EIF4G2: variants seen among roughly 807,000 people sequenced by gnomAD.
EIF4G2 encodes the protein eukaryotic translation initiation factor 4 gamma 2, also known as DAP-5.
A neutral mutation model predicts 117.7 loss-of-function variants in EIF4G2; 8 were observed. The observed-to-expected ratio is 0.07, with a 90% CI of 0.04 to 0.12. EIF4G2 has a LOEUF of 0.12. Among genes scored for constraint, EIF4G2 ranks in the 10% least tolerant of loss-of-function variants. The pLI, the probability that EIF4G2 is intolerant of heterozygous loss-of-function variation, is 1.00. For synonymous variants in EIF4G2, 413 were observed against 367.8 expected, an observed-to-expected ratio of 1.12 and a Z score of -1.41; for missense variants, 812 against 1,086.2, an observed-to-expected ratio of 0.75 and a Z score of 3.55.
chr11:10,799,376 T>C lies in EIF4G2; in HGVS notation c.2373A>G (p.Thr791=). 1.2e-6 allele frequency: 2 copies of C among 1,612,896 alleles called. No individual in the cohort carries two copies. Among genetic ancestry groups the C allele is most frequent in the Non-Finnish European group, 1.7e-6 (2 of 1,180,032 alleles). ...CTTTGGAAGGAGCAGAGGATGAATC[T>C]GTTTCATCGCTGGGGGGGTTTACTT... Residue 791 remains threonine, a synonymous_variant, in exon 20 of 22, where the codon ACA becomes ACG. Coordinates refer to ENST00000339995, the MANE Select transcript of EIF4G2 (RefSeq NM_001418.4).
At chr11:10,802,477 C>G (rs1291559795) in intron 11 of EIF4G2, 42 bp from the exon 12 acceptor site, 1 of 1,498,430 alleles carries the variant, frequency 6.7e-7, no homozygotes, top group East Asian at 2.4e-5. Flanking sequence ...TCTCTGGACA[C>G]TATTTCACTT....
intron 1 of EIF4G2, chr11:10,807,847 C>A (rs1035797078): frequency 6.1e-6 from 6 of 988,946 alleles, no homozygotes; most frequent in African/African-American, 1.7e-5. Flanking sequence ...CGTGGAAAGA[C>A]GCGCGAGAGG....
intron 18 of EIF4G2, 160 bp downstream of exon 18, chr11:10,799,930 A>G (rs1400455861): frequency 8.6e-7 from 1 of 1,161,884 alleles, no homozygotes; most frequent in African/African-American, 1.6e-5. Context: ...GAAAGTAGTT[A>G]AATTATAAAT....
Position 10,804,123 on chromosome 11 carries a change from G to A in EIF4G2, c.550+14C>T. 1 of 1,614,002 alleles carries A rather than the reference G, an allele frequency of 6.2e-7. No individual in the cohort carries two copies. The highest frequency in any genetic ancestry group is 1.1e-5 in the South Asian group (1 of 91,068). ...AAATATACAGTAGTACTTATTATCA[G>A]CTATAAGTCTTACCATCAACATTTC... On this transcript the variant is annotated intron_variant, in intron 7 of 21. Coordinates refer to ENST00000339995, the MANE Select transcript of EIF4G2 (RefSeq NM_001418.4).
chr11:10,807,995 G>C, intron 1 of EIF4G2: 1 of 1,041,822 alleles, frequency 9.6e-7, no homozygotes, highest in Non-Finnish European at 1.2e-6. Context: ...AGTTAGGGAA[G>C]TGCTTCCGAC....
At position 10,801,698 on chromosome 11, in the gene EIF4G2, G is replaced by C; in HGVS notation, c.1376C>G (p.Pro459Arg). 1 of 1,614,156 alleles carries C rather than the reference G, an allele frequency of 6.2e-7. No individual in the cohort carries two copies. Among genetic ancestry groups the C allele is most frequent in the Non-Finnish European group, 8.5e-7 (1 of 1,180,024 alleles). ...AAGCTGTCCTTTCTTAGAAAACCGAGGTGGCATATCCTTCGACTGTCCTTG... is the reference window on the plus strand; with the variant it reads ...AAGCTGTCCTTTCTTAGAAAACCGACGTGGCATATCCTTCGACTGTCCTTG... Residue 459 changes from proline to arginine, a missense_variant, in exon 14 of 22, where the codon CCT (proline) becomes CGT (arginine). Pro to Arg is a moderately radical substitution (Grantham distance 103, BLOSUM62 -2). This residue lies in a region of EIF4G2 where 571 missense variants were observed against 642.3 expected (regional missense o/e 0.89). Coordinates refer to ENST00000339995, the MANE Select transcript of EIF4G2 (RefSeq NM_001418.4).
chr11:10,801,381 T>C (rs961621253), intron 14 of EIF4G2: 10 of 626,012 alleles, frequency 1.6e-5, no homozygotes, highest in East Asian at 5.7e-5. Flanking sequence ...ATGCCCTGTT[T>C]TATCCTTAGT....
chr11:10,797,602 A>G lies in EIF4G2; in HGVS notation c.*214T>C, dbSNP rs1847293749. 1.8e-6 allele frequency: 1 copy of G among 570,352 alleles called. No individual in the cohort carries two copies. The allele number at this position is 570,352 out of a possible 1,614,324, so 35.3% of individuals were successfully genotyped here. A position where few individuals can be genotyped will look rare whatever the true frequency, so the allele number is the denominator to read the frequency against. ...CATGCTGCTAATATACTATCTAAAC[A>G]TTAAAGATACTCCTAAAATATTTGA... On this transcript the variant is annotated 3_prime_UTR_variant, in exon 22 of 22. Transcript: ENST00000339995. This position sits in a 1 kb window ranked among gnomAD's most constrained non-coding sequence, Gnocchi z 4.5.
In EIF4G2 at chr11:10,803,651, T is replaced by C; in HGVS notation, c.703-61A>G. The C allele has an allele frequency of 1.4e-6, 2 of 1,426,784 alleles. No homozygotes were observed. The highest frequency in any genetic ancestry group is 3.5e-4 in the Middle Eastern group (2 of 5,764). 88.4% of individuals were successfully genotyped at this position (1,426,784 alleles called of 1,614,324 possible). A position where few individuals can be genotyped will look rare whatever the true frequency, so the allele number is the denominator to read the frequency against. On this transcript the variant is annotated intron_variant, in intron 8 of 21. Coordinates refer to ENST00000339995, the MANE Select transcript of EIF4G2 (RefSeq NM_001418.4). The surrounding 1 kb of genome is among the most constrained non-coding windows in gnomAD (Gnocchi z 4.0). Reference sequence around the variant, plus strand: ...GTTACTCTGGTTTAGGCGTAGTACTTTCTTTCCCTTTATGTTTGCACTGAC... The same window carrying C: ...GTTACTCTGGTTTAGGCGTAGTACTCTCTTTCCCTTTATGTTTGCACTGAC...
Position 10,808,767 on chromosome 11 carries a change from AG to A in EIF4G2, c.-150del, listed in dbSNP as rs1335337503. The A allele has an allele frequency of 6.5e-6, 1 of 154,930 alleles. No individual in the cohort carries two copies. The highest frequency in any genetic ancestry group is 2.6e-5 in the African/African-American group (1 of 38,734). The allele number at this position is 154,930 out of a possible 1,614,324, so 9.6% of individuals were successfully genotyped here. A position where few individuals can be genotyped will look rare whatever the true frequency, so the allele number is the denominator to read the frequency against. On this transcript the variant is annotated 5_prime_UTR_variant, in exon 1 of 22. Transcript: ENST00000339995. ...TCCTCAGGATCCGGTCGTCGGGGAT[AG>A]GGAAGGGAGGGGAAAGGGGAACGGA...
intron 14 of EIF4G2, 118 bp downstream of exon 14, chr11:10,801,543 G>GAAAA: frequency 1.0e-6 from 1 of 961,022 alleles, no homozygotes; most frequent in Non-Finnish European, 1.7e-6. Flanking sequence ...AGAAAAGAGA[G>GAAAA]AAAAACGTCA....
rs560942711 is a variant in EIF4G2 at position 10,801,609 on chromosome 11, TA to T, written c.1413+51del. 2.6e-3 allele frequency: 3,984 copies of T among 1,528,060 alleles called. 24 individuals are homozygous for T. The highest frequency in any genetic ancestry group is 9.8e-3 in the South Asian group (877 of 89,092). 94.7% of individuals were successfully genotyped at this position (1,528,060 alleles called of 1,614,324 possible). A position where few individuals can be genotyped will look rare whatever the true frequency, so the allele number is the denominator to read the frequency against. On this transcript the variant is annotated intron_variant, in intron 14 of 21. Transcript: ENST00000339995. ...GCGTCTTTTTATAATCATCGGGCAATAAATTTCTGAATGGACAAACTATGGT... is the reference window on the plus strand; with the variant it reads ...GCGTCTTTTTATAATCATCGGGCAATAATTTCTGAATGGACAAACTATGGT...
chr11:10,806,292 G>C (rs542753709), intron 3 of EIF4G2: 171 of 544,428 alleles, frequency 3.1e-4, no homozygotes, highest in African/African-American at 2.9e-3. Context: ...CTAAGAATTT[G>C]CATGTCTAGT....
Position 10,797,363 on chromosome 11 carries a change from C to T in EIF4G2, c.*453G>A. On this transcript the variant is annotated 3_prime_UTR_variant, in exon 22 of 22. Coordinates refer to ENST00000339995, the MANE Select transcript of EIF4G2 (RefSeq NM_001418.4). The surrounding 1 kb of genome is among the most constrained non-coding windows in gnomAD (Gnocchi z 4.5). ...AAATACAGGCAATATACTATTACGG[C>T]AACAACCATCAATTACAGTTAAGAA... 1 of 160,086 alleles carries T rather than the reference C, an allele frequency of 6.2e-6. No homozygotes were observed. The highest frequency in any genetic ancestry group is 1.4e-5 in the Non-Finnish European group (1 of 72,714). The allele number at this position is 160,086 out of a possible 1,614,324, so 9.9% of individuals were successfully genotyped here.
chr11:10,804,098 A>G (rs764502232), intron 7 of EIF4G2, 39 bp downstream of exon 7: 2 of 1,612,764 alleles, frequency 1.2e-6, no homozygotes, highest in Non-Finnish European at 1.7e-6. Flanking sequence ...ATTAAGCTGA[A>G]AATATACAGT....
intron 18 of EIF4G2, 52 bp from the exon 19 acceptor site, chr11:10,799,808 T>G: frequency 6.3e-7 from 1 of 1,577,484 alleles, no homozygotes; most frequent in Non-Finnish European, 8.6e-7. Context: ...TACCAAGTTG[T>G]CCTGTCCAGA....
At chr11:10,806,790 GCTCA>G (rs754962342) in intron 3 of EIF4G2, 26 bp downstream of exon 3, 100 of 1,607,926 alleles carry the variant, frequency 6.2e-5, no homozygotes, top group Middle Eastern at 1.6e-4. Context: ...GTTAAATAAA[GCTCA>G]CTGTTTTTTT....
chr11:10,808,162 G>A (rs943907304), intron 1 of EIF4G2: 17 of 1,109,042 alleles, frequency 1.5e-5, no homozygotes, highest in African/African-American at 8.7e-5. Context: ...AAATCCCCCC[G>A]GGACTGACAA....
rs890568815 is a variant in EIF4G2 at position 10,800,989 on chromosome 11, T to C, written c.1512A>G (p.Pro504=). The C allele has an allele frequency of 2.5e-6, 4 of 1,614,188 alleles. No homozygotes were observed. Among genetic ancestry groups the C allele is most frequent in the Non-Finnish European group, 3.4e-6 (4 of 1,180,014 alleles). ...GTCCCAGAGGTGGTGTTTGAGTGCG[T>C]GGTGGTTGTGCACTAGGAGGAATCA... The change falls in exon 15 of 22, where the codon CCA becomes CCG. Residue 504 remains proline, a synonymous_variant. Transcript: ENST00000339995.
Sources: gnomAD v4.1 joint callset for allele counts on GRCh38, gnomAD v4.1.1 for gene constraint, gnomAD v4.1.1 regional missense constraint, Gnocchi (gnomAD v3.1) non-coding constraint, MANE v1.5 for transcripts, NCBI Gene and HGNC (gene_info 2026-07-23, HGNC 2026-07-21) for gene names.